The following GSN variants were observed in gnomAD, a reference collection of about 807,000 sequenced individuals.
GSN encodes the protein actin-depolymerizing factor.
Under a neutral mutation model 85.7 loss-of-function variants are expected in GSN, and 56 were observed. The ratio of observed to expected loss-of-function variants is 0.65; its 90% CI spans 0.53 to 0.82. The LOEUF (loss-of-function observed/expected upper bound fraction) is 0.82. Ranked by LOEUF, GSN falls within the 40% of genes least tolerant of loss-of-function variation. The pLI, the probability that GSN is intolerant of heterozygous loss-of-function variation, is 0.00. For synonymous variants in GSN, 373 were observed against 399.1 expected, an observed-to-expected ratio of 0.93 and a Z score of 0.78; for missense variants, 857 against 979.8, an observed-to-expected ratio of 0.87 and a Z score of 1.67.
intron 1 of GSN, among the ~76,000 whole-genome samples, chr9:121,271,649 G>C (rs1279108377): frequency 6.6e-6 from 1 of 152,140 alleles, no homozygotes; most frequent in African/African-American, 2.4e-5. Flanking sequence ...AAGGGAGTTT[G>C]TTATGCTTTT....
chr9:121,227,961 G>A (rs2132138284), intron 4 of GSN, among the ~76,000 whole-genome samples: 1 of 152,152 alleles, frequency 6.6e-6, no homozygotes, highest in South Asian at 2.1e-4. Context: ...CTTCTGGGGT[G>A]ACCTGGTCCA....
At chr9:121,272,599 C>T (rs1438838493) in intron 1 of GSN, among the ~76,000 whole-genome samples, 1 of 152,200 alleles carries the variant, frequency 6.6e-6, no homozygotes, top group Non-Finnish European at 1.5e-5. Flanking sequence ...TTGATTGCCC[C>T]ATTTTGCAGA....
intron 5 of GSN, chr9:121,239,797 A>G: frequency 4.0e-6 from 1 of 252,552 alleles, no homozygotes; most frequent in South Asian, 5.8e-5. Context: ...CCCTTGAAAT[A>G]CCTGAACCAC....
chr9:121,226,102 C>G (rs2054268526), intron 4 of GSN, among the ~76,000 whole-genome samples: 1 of 152,228 alleles, frequency 6.6e-6, no homozygotes, highest in South Asian at 2.1e-4. Flanking sequence ...CTGCGCCCGG[C>G]AGAGCCTGGC....
At chr9:121,240,828 CTGT>C (rs770520209) in intron 5 of GSN, among the ~76,000 whole-genome samples, 134 of 152,360 alleles carry the variant, frequency 8.8e-4, no homozygotes, top group South Asian at 4.6e-3. Context: ...TGCTCTGCAG[CTGT>C]GTTTCTAAAT....
At chr9:121,235,489 C>G (rs1271121024) in intron 5 of GSN, among the ~76,000 whole-genome samples, 2 of 152,178 alleles carry the variant, frequency 1.3e-5, no homozygotes, top group African/African-American at 4.8e-5. Flanking sequence ...CTCTCCCTGT[C>G]CAGCTCAAGA....
intron 7 of GSN, among the ~76,000 whole-genome samples, chr9:121,315,789 AAAAG>A (rs1420312410): frequency 1.1e-4 from 16 of 152,146 alleles, no homozygotes; most frequent in Admixed American, 1.0e-3. Flanking sequence ...ATAAAATAAA[AAAAG>A]AAAATACTGG....
In GSN at chr9:121,326,600, G is replaced by A. The variant is rs771287868; in HGVS notation, c.1505G>A (p.Arg502His). The change falls in exon 13 of 18, where the codon CGC (arginine) becomes CAC (histidine). Residue 502 changes from arginine to histidine, a missense_variant. Physicochemically the swap from Arg to His is conservative, Grantham distance 29. Transcript: ENST00000432226. ...PMIIYKGGTSREGGQTAPAST... is the reference protein window; with the variant it reads ...PMIIYKGGTSHEGGQTAPAST... ...ATCATCTACAAGGGCGGCACCTCCC[G>A]CGAGGGCGGGCAGACAGCCCCTGCC... is the stretch of plus-strand genomic sequence containing the variant. 4.3e-6 allele frequency: 7 copies of A among 1,609,970 alleles called. No homozygotes were observed. The highest frequency in any genetic ancestry group is 2.7e-5 in the African/African-American group (2 of 74,992).
chr9:121,314,559 A>G (rs1218171916), intron 7 of GSN, among the ~76,000 whole-genome samples: 3 of 152,248 alleles, frequency 2.0e-5, no homozygotes, highest in Non-Finnish European at 4.4e-5. Flanking sequence ...AAGTATTTTC[A>G]GTAAAACAAC....
chr9:121,331,484 T>C lies in GSN; in HGVS notation c.2026+36T>C, dbSNP rs2289070. The C allele has an allele frequency of 0.058, 43,652 of 756,894 alleles. 3,346 individuals are homozygous for C. The highest frequency in any genetic ancestry group is 0.25 in the Admixed American group (12,587 of 50,732). 46.9% of individuals were successfully genotyped at this position (756,894 alleles called of 1,614,324 possible). On this transcript the variant is annotated intron_variant, in intron 17 of 17. Coordinates refer to ENST00000432226, the MANE Select transcript of GSN (RefSeq NM_198252.3). ...GAGTGCCTGGGGGCGGGGGGAGGGG[T>C]CCGTTGCTTGTGGGGTGCTGGGAGT... is the stretch of plus-strand genomic sequence containing the variant.
chr9:121,309,316 G>C (rs1177188348), intron 4 of GSN: 1 of 152,234 alleles, frequency 6.6e-6, no homozygotes, highest in Non-Finnish European at 1.5e-5. Flanking sequence ...GACTGCAGCA[G>C]GGAAGCTCTC....
At chr9:121,286,908 T>C in intron 2 of GSN, 1 of 697,972 alleles carries the variant, frequency 1.4e-6, no homozygotes, top group Non-Finnish European at 2.5e-6. Context: ...ATGCCAGCCA[T>C]GGGTTTTGGG....
intron 5 of GSN, among the ~76,000 whole-genome samples, chr9:121,242,278 TA>T (rs1402906953): frequency 6.6e-6 from 1 of 152,176 alleles, no homozygotes; most frequent in South Asian, 2.1e-4. Context: ...AAATCTAGGA[TA>T]ACATGTCAGA....
At position 121,282,468 on chromosome 9, in the gene GSN, C is replaced by T. The variant is rs549421941; in HGVS notation, c.-10+906C>T. ...AGGGGATGAATGAATACAGGACTTACGCGTCTGCTGTGGCCCAGCTGGCTT... is the reference window on the plus strand; with the variant it reads ...AGGGGATGAATGAATACAGGACTTATGCGTCTGCTGTGGCCCAGCTGGCTT... On this transcript the variant is annotated intron_variant, in intron 2 of 17. Coordinates refer to ENST00000432226, the MANE Select transcript of GSN (RefSeq NM_198252.3). The T allele has an allele frequency of 2.1e-4, 272 of 1,272,164 alleles. 1 individual carries two copies. Among genetic ancestry groups the T allele is most frequent in the Non-Finnish European group, 2.6e-4 (256 of 1,001,636 alleles). The allele number at this position is 1,272,164 out of a possible 1,614,324, so 78.8% of individuals were successfully genotyped here. A position where few individuals can be genotyped will look rare whatever the true frequency, so the allele number is the denominator to read the frequency against.
chr9:121,312,228 A>C, intron 5 of GSN, 111 bp from the exon 6 acceptor site: 1 of 1,136,008 alleles, frequency 8.8e-7, no homozygotes, highest in Non-Finnish European at 1.3e-6. Context: ...CACCTGGGCA[A>C]GTGCAGAACA....
intron 4 of GSN, among the ~76,000 whole-genome samples, chr9:121,211,053 T>G (rs1272468863): frequency 6.6e-6 from 1 of 152,250 alleles, no homozygotes; most frequent in African/African-American, 2.4e-5. Context: ...ACCATTATGC[T>G]AAGTGAATTT....
chr9:121,261,677 C>T lies in GSN; in HGVS notation c.-340-3477C>T, dbSNP rs777419456. 5.3e-5 allele frequency among the ~76,000 whole-genome samples: 8 copies of T among 152,158 alleles called. No individual in the cohort carries two copies. The highest frequency in any genetic ancestry group is 1.3e-4 in the Admixed American group (2 of 15,272). On this transcript the variant is annotated intron_variant, in intron 6 of 24. Transcript: ENST00000373823. This position sits in a 1 kb window ranked among gnomAD's most constrained non-coding sequence, Gnocchi z 4.1. ...CATCTTGCCATATGGCTTGGTCTCC[C>T]GTAACTCAGTGGATGTACCCTGTAT...
intron 1 of GSN, among the ~76,000 whole-genome samples, chr9:121,277,941 T>C (rs1277323299): frequency 6.6e-6 from 1 of 152,060 alleles, no homozygotes; most frequent in Non-Finnish European, 1.5e-5. Context: ...AGGAAGAATA[T>C]GCAACAGAGA....
In GSN at chr9:121,310,685, A is replaced by G; in HGVS notation, c.353A>G (p.Lys118Arg). 1 of 1,613,932 alleles carries G rather than the reference A, an allele frequency of 6.2e-7. No homozygotes were observed. Among genetic ancestry groups the G allele is most frequent in the Non-Finnish European group, 8.5e-7 (1 of 1,179,900 alleles). Reference protein sequence around the residue: ...GYFKSGLKYKKGGVASGFKHV... With the variant: ...GYFKSGLKYKRGGVASGFKHV... ...AATGCTGTCTCTTTGGCCCCACAGAAAGGAGGTGTGGCATCAGGATTCAAG... is the reference window on the plus strand; with the variant it reads ...AATGCTGTCTCTTTGGCCCCACAGAGAGGAGGTGTGGCATCAGGATTCAAG... Residue 118 changes from lysine (K) to arginine (R), a missense_variant and splice_region_variant, in exon 5 of 18, where the codon AAA becomes AGA. Coordinates refer to ENST00000432226, the MANE Select transcript of GSN (RefSeq NM_198252.3).
Sources: allele counts gnomAD v4.1 joint callset (sites outside exome capture counted in the v4.1 genomes callset), GRCh38; gene constraint gnomAD v4.1.1; non-coding constraint Gnocchi (gnomAD v3.1); transcripts MANE v1.5; gene names NCBI Gene and HGNC (gene_info 2026-07-23, HGNC 2026-07-21).